RAB38: variants seen among roughly 807,000 people sequenced by gnomAD.
RAB38 encodes the protein RAB38, member RAS oncogene family.
RAB38 carries 15 observed loss-of-function variants against 18.4 expected under a neutral mutation model. The observed-to-expected ratio is 0.82, with a 90% confidence interval of 0.55 to 1.26. RAB38 has a LOEUF of 1.26. Among genes scored for constraint, RAB38 ranks in the 50% most tolerant of loss-of-function variants. RAB38 has a pLI of 0.00. For missense variants in RAB38, 294 were observed against 267.4 expected (o/e 1.10, Z -0.69); for synonymous variants, 101 against 104.4 (o/e 0.97, Z 0.20).
At chr11:87,955,360 C>A in the RAB38 span, among the ~76,000 whole-genome samples, 1 of 152,294 alleles carries the variant, frequency 6.6e-6, no homozygotes, top group South Asian at 2.1e-4. Flanking sequence ...ACACTGGAGG[C>A]TGCTGGAAGC....
At chr11:87,974,286 T>C in the RAB38 span, among the ~76,000 whole-genome samples, 1 of 151,108 alleles carries the variant, frequency 6.6e-6, no homozygotes, top group Admixed American at 6.6e-5. Flanking sequence ...ATAGAAGCTA[T>C]AATAACAAAA....
chr11:88,134,757 T>C (rs1312381152), intron 2 of RAB38, among the ~76,000 whole-genome samples: 1 of 152,224 alleles, frequency 6.6e-6, no homozygotes, highest in Non-Finnish European at 1.5e-5. Flanking sequence ...CTCACTATAA[T>C]TCAGGTTCAA....
the RAB38 span, among the ~76,000 whole-genome samples, chr11:87,865,594 AT>A: frequency 6.6e-6 from 1 of 151,742 alleles, no homozygotes; most frequent in Admixed American, 6.6e-5. Context: ...GAGATGAAAT[AT>A]GTTGCCTGAA....
the RAB38 span, among the ~76,000 whole-genome samples, chr11:87,825,361 TAAAC>T: frequency 2.0e-5 from 3 of 152,106 alleles, no homozygotes; most frequent in Admixed American, 1.3e-4. Context: ...CTGGGTAACT[TAAAC>T]AACAGAAATA....
chr11:87,928,221 T>C, the RAB38 span, among the ~76,000 whole-genome samples: 2 of 152,112 alleles, frequency 1.3e-5, no homozygotes, highest in South Asian at 4.1e-4. Context: ...CTATTAGTAG[T>C]ATTTTCCCTC....
chr11:88,057,356 G>A, the RAB38 span, among the ~76,000 whole-genome samples: 1 of 152,116 alleles, frequency 6.6e-6, no homozygotes, highest in African/African-American at 2.4e-5. Flanking sequence ...GCAAGAGCAT[G>A]GTTGAAGACA....
chr11:87,857,754 C>A, the RAB38 span, among the ~76,000 whole-genome samples: 2 of 152,052 alleles, frequency 1.3e-5, no homozygotes, highest in African/African-American at 2.4e-5. Flanking sequence ...TTTGTAGATT[C>A]TGGATATTAG....
chr11:87,920,457 C>T, the RAB38 span, among the ~76,000 whole-genome samples: 1 of 151,864 alleles, frequency 6.6e-6, no homozygotes, highest in Non-Finnish European at 1.5e-5. Flanking sequence ...TGATATTTTT[C>T]CTATTATTGA....
the RAB38 span, among the ~76,000 whole-genome samples, chr11:87,804,780 A>T: frequency 6.6e-6 from 1 of 152,138 alleles, no homozygotes; most frequent in Admixed American, 6.5e-5. Context: ...TCCATAAGTC[A>T]CTTACTATAT....
chr11:87,897,324 A>T, the RAB38 span, among the ~76,000 whole-genome samples: 35,982 of 151,412 alleles, frequency 0.24, 6,700 homozygotes, highest in African/African-American at 0.52. Flanking sequence ...GTAAATATTT[A>T]ACTATTGTAG....
chr11:88,112,026 T>C (rs1211764819), downstream of RAB38, among the ~76,000 whole-genome samples: 1 of 152,220 alleles, frequency 6.6e-6, no homozygotes, highest in Admixed American at 6.5e-5. Flanking sequence ...CATATTAGAA[T>C]CAATGCCAGG....
chr11:88,026,889 G>C, the RAB38 span, among the ~76,000 whole-genome samples: 18 of 152,028 alleles, frequency 1.2e-4, no homozygotes, highest in South Asian at 1.2e-3. Flanking sequence ...ATCAAATCTC[G>C]AGATAACAAA....
the RAB38 span, among the ~76,000 whole-genome samples, chr11:88,062,899 T>G: frequency 1.3e-5 from 2 of 152,242 alleles, no homozygotes; most frequent in Non-Finnish European, 2.9e-5. Flanking sequence ...TTATTTAAAT[T>G]TATTTAACTT....
chr11:88,121,146 T>A (rs2134779200), intron 2 of RAB38, among the ~76,000 whole-genome samples: 1 of 152,316 alleles, frequency 6.6e-6, no homozygotes, highest in East Asian at 1.9e-4. Flanking sequence ...TCTTTAGTGT[T>A]CCCTGGTACT....
chr11:87,827,605 G>A, the RAB38 span, among the ~76,000 whole-genome samples: 1 of 152,144 alleles, frequency 6.6e-6, no homozygotes, highest in South Asian at 2.1e-4. Context: ...ATGAGTGAGA[G>A]CCATAGAAAT....
At chr11:88,091,081 G>A in the RAB38 span, among the ~76,000 whole-genome samples, 3 of 152,002 alleles carry the variant, frequency 2.0e-5, no homozygotes, top group Non-Finnish European at 4.4e-5. Context: ...AGGACCAGGA[G>A]AAGGGGTGAC....
chr11:88,172,527 A>G (rs1179335508), intron 1 of RAB38, among the ~76,000 whole-genome samples: 1 of 152,214 alleles, frequency 6.6e-6, no homozygotes, highest in Non-Finnish European at 1.5e-5. Context: ...GGTCTTCTCT[A>G]TCTCATTGAA....
the RAB38 span, among the ~76,000 whole-genome samples, chr11:87,937,116 G>T: frequency 6.6e-6 from 1 of 151,498 alleles, no homozygotes; most frequent in Non-Finnish European, 1.5e-5. Flanking sequence ...CTTTGTTGTA[G>T]ATGTTCTTTC....
intron 2 of RAB38, among the ~76,000 whole-genome samples, chr11:88,145,970 A>G (rs1440634500): frequency 6.6e-6 from 1 of 152,240 alleles, no homozygotes; most frequent in African/African-American, 2.4e-5. Context: ...TGCAAAGGTT[A>G]AAAACCAAAG....
Sources: allele counts gnomAD v4.1 joint callset (sites outside exome capture counted in the v4.1 genomes callset), GRCh38; gene constraint gnomAD v4.1.1; transcripts MANE v1.5; gene names NCBI Gene and HGNC (gene_info 2026-07-23, HGNC 2026-07-21).